Variants in ENPP2 observed in about 807,000 individuals in gnomAD.
ENPP2 encodes the protein autotaxin.
ENPP2 carries 51 observed loss-of-function variants against 120.2 expected under a neutral mutation model. That is an observed-to-expected ratio of 0.42 (90% CI 0.34 to 0.54). The LOEUF is 0.54. ENPP2 is among the 20% of genes least tolerant of loss of function. ENPP2 has a pLI of 0.04. For missense variants in ENPP2, 920 were observed against 1,066.5 expected (o/e 0.86, Z 1.91); for synonymous variants, 365 against 366.4 (o/e 1.00, Z 0.04).
intron 24 of ENPP2, among the ~76,000 whole-genome samples, chr8:119,561,169 T>G (rs576884089): frequency 2.0e-5 from 3 of 152,354 alleles, no homozygotes; most frequent in Non-Finnish European, 2.9e-5. Flanking sequence ...ACTTTCTAAT[T>G]TTCTTCTACA....
chr8:119,657,053 G>T (rs1417931730), intron 1 of ENPP2, among the ~76,000 whole-genome samples: 4 of 151,864 alleles, frequency 2.6e-5, no homozygotes, highest in Admixed American at 6.6e-5. Context: ...TCAGCCTCCC[G>T]AGTAGCTGGG....
Position 119,617,242 on chromosome 8 carries a change from C to G in ENPP2, c.579G>C (p.Arg193Ser). 6.2e-7 allele frequency: 1 copy of G among 1,611,372 alleles called. No individual in the cohort carries two copies. The highest frequency in any genetic ancestry group is 8.5e-7 in the Non-Finnish European group (1 of 1,177,650). Residue 193 changes from arginine (R) to serine (S), a missense_variant and splice_region_variant, in exon 7 of 25, where the codon AGG (arginine) becomes AGC (serine). Transcript: ENST00000075322. ...TGTAGGGAGAGTGTGTGCCACAAGACCCTGGAAAGAGAATTGCAAATATTA... is the reference window on the plus strand; with the variant it reads ...TGTAGGGAGAGTGTGTGCCACAAGAGCCTGGAAAGAGAATTGCAAATATTA... The part of the protein sequence containing the change: ...SKVMPNIEKL[R>S]SCGTHSPYMR...
At chr8:119,649,198 C>A (rs1226395214) in intron 1 of ENPP2, among the ~76,000 whole-genome samples, 3 of 150,654 alleles carry the variant, frequency 2.0e-5, no homozygotes, top group Non-Finnish European at 4.4e-5. Flanking sequence ...TCGGGAGCAT[C>A]CTGGCTAACA....
chr8:119,595,552 C>A (rs1813823724), intron 11 of ENPP2, among the ~76,000 whole-genome samples: 1 of 152,146 alleles, frequency 6.6e-6, no homozygotes, highest in African/African-American at 2.4e-5. Context: ...GTGACTGATT[C>A]TGTGAATAAG....
chr8:119,662,389 C>A (rs1026846404), intron 1 of ENPP2, among the ~76,000 whole-genome samples: 3 of 151,948 alleles, frequency 2.0e-5, no homozygotes, highest in Non-Finnish European at 4.4e-5. Context: ...GAATCTAGAC[C>A]AATGGGTCTC....
chr8:119,669,314 G>A (rs79489666), intron 1 of ENPP2, among the ~76,000 whole-genome samples: 1,977 of 152,326 alleles, frequency 0.013, 46 homozygotes, highest in African/African-American at 0.045. Flanking sequence ...AATCAATGTT[G>A]TGAACTGATT....
At chr8:119,649,128 T>A (rs1454790209) in intron 1 of ENPP2, among the ~76,000 whole-genome samples, 1 of 151,830 alleles carries the variant, frequency 6.6e-6, no homozygotes, top group African/African-American at 2.4e-5. Context: ...GCACGGTGGC[T>A]CATGCCTGTA....
chr8:119,598,943 T>C (rs2130536062), intron 11 of ENPP2, among the ~76,000 whole-genome samples: 1 of 152,288 alleles, frequency 6.6e-6, no homozygotes, highest in Non-Finnish European at 1.5e-5. Flanking sequence ...ACAGGTTCTT[T>C]GAGGGGATGC....
chr8:119,586,362 A>T (rs1813111727), intron 14 of ENPP2, 49 bp from the exon 15 acceptor site: 25 of 1,561,190 alleles, frequency 1.6e-5, no homozygotes, highest in Non-Finnish European at 2.2e-5. Flanking sequence ...CTTTTGGAAA[A>T]ATTCTTACAA....
At chr8:119,611,879 T>G (rs968370668) in intron 8 of ENPP2, among the ~76,000 whole-genome samples, 1 of 151,690 alleles carries the variant, frequency 6.6e-6, no homozygotes, top group Non-Finnish European at 1.5e-5. Flanking sequence ...ACAAAAAAAT[T>G]TTATCTGGGC....
chr8:119,625,647 G>A (rs1041029381), intron 3 of ENPP2, among the ~76,000 whole-genome samples: 1 of 152,230 alleles, frequency 6.6e-6, no homozygotes, highest in African/African-American at 2.4e-5. Context: ...GTGATGTCAA[G>A]AACAGCATTG....
intron 9 of ENPP2, among the ~76,000 whole-genome samples, chr8:119,607,490 G>A (rs888105246): frequency 1.3e-5 from 2 of 152,150 alleles, no homozygotes; most frequent in East Asian, 3.9e-4. Flanking sequence ...CCTCGCAAAC[G>A]TGGTGAAACC....
At chr8:119,616,698 A>G (rs765309078) in intron 7 of ENPP2, among the ~76,000 whole-genome samples, 7 of 152,170 alleles carry the variant, frequency 4.6e-5, no homozygotes, top group Non-Finnish European at 8.8e-5. Flanking sequence ...GAATGTATAC[A>G]TGTGCCTCCA....
At chr8:119,612,045 A>G (rs994796587) in intron 8 of ENPP2, among the ~76,000 whole-genome samples, 1 of 152,128 alleles carries the variant, frequency 6.6e-6, no homozygotes, top group African/African-American at 2.4e-5. Flanking sequence ...AATAAAAATA[A>G]AAAGAGATTT....
intron 8 of ENPP2, among the ~76,000 whole-genome samples, chr8:119,612,465 C>G (rs1444094086): frequency 1.3e-5 from 2 of 152,178 alleles, no homozygotes; most frequent in Non-Finnish European, 2.9e-5. Flanking sequence ...CTCCTGCTGT[C>G]TCTGTCTTAA....
At chr8:119,566,461 A>G (rs1023296351) in intron 22 of ENPP2, among the ~76,000 whole-genome samples, 8 of 152,208 alleles carry the variant, frequency 5.3e-5, no homozygotes, top group African/African-American at 1.7e-4. Flanking sequence ...GCAGCCCACA[A>G]GAGCCAAAAT....
At chr8:119,568,495 C>T (rs920808003) in intron 21 of ENPP2, among the ~76,000 whole-genome samples, 10 of 152,044 alleles carry the variant, frequency 6.6e-5, no homozygotes, top group Admixed American at 1.3e-4. Flanking sequence ...TTCTTACTGT[C>T]TACTTCTTGA....
chr8:119,570,106 T>C (rs892780268), intron 20 of ENPP2, among the ~76,000 whole-genome samples: 1 of 151,030 alleles, frequency 6.6e-6, no homozygotes, highest in Non-Finnish European at 1.5e-5. Context: ...CCATCTCTAC[T>C]AAAAATACAA....
intron 11 of ENPP2, among the ~76,000 whole-genome samples, chr8:119,599,592 C>G (rs1205226800): frequency 6.6e-6 from 1 of 152,174 alleles, no homozygotes; most frequent in Non-Finnish European, 1.5e-5. Flanking sequence ...TTTTTACTAT[C>G]TATGCTGAAA....
Sources: gnomAD v4.1 joint callset for allele counts (sites outside exome capture counted in the v4.1 genomes callset) on GRCh38, gnomAD v4.1.1 for gene constraint, MANE v1.5 for transcripts, NCBI Gene and HGNC (gene_info 2026-07-23, HGNC 2026-07-21) for gene names.